Variants in OLFM1 observed in about 807,000 individuals in gnomAD.
The protein encoded by OLFM1 is olfactomedin 1, also known as noelin.
OLFM1 carries 9 observed loss-of-function variants against 49.7 expected under a neutral mutation model. That is an observed-to-expected ratio of 0.18 (90% confidence interval 0.11 to 0.32). OLFM1 has a LOEUF of 0.32. Among genes scored for constraint, OLFM1 ranks in the 10% least tolerant of loss-of-function variants. OLFM1 has a pLI of 1.00. For synonymous variants in OLFM1, 240 were observed against 271.8 expected (o/e 0.88, Z 1.15); for missense variants, 369 against 661.8 (o/e 0.56, Z 4.85).
chr9:135,102,489 C>A (rs898469906), intron 4 of OLFM1, among the ~76,000 whole-genome samples: 2 of 152,170 alleles, frequency 1.3e-5, no homozygotes. Flanking sequence ...GGGGCCCGGG[C>A]GGCCAGGGCT....
At chr9:135,083,824 A>G (rs898439692), upstream of OLFM1, among the ~76,000 whole-genome samples, 8 of 152,320 alleles carry the variant, frequency 5.3e-5, no homozygotes, top group South Asian at 4.1e-4. Flanking sequence ...ACAGGGTGTG[A>G]CTGAGACATT....
intron 3 of OLFM1, among the ~76,000 whole-genome samples, 175 bp downstream of exon 3, chr9:135,096,194 C>T (rs201132263): frequency 2.9e-4 from 17 of 58,774 alleles, no homozygotes; most frequent in East Asian, 1.1e-3. Flanking sequence ...CCTCTTCCTC[C>T]TCCTCCCCCT....
intron 5 of OLFM1, among the ~76,000 whole-genome samples, chr9:135,112,817 G>A (rs1209647860): frequency 6.6e-6 from 1 of 152,226 alleles, no homozygotes; most frequent in Non-Finnish European, 1.5e-5. Context: ...GGGCCGCCAA[G>A]TGAGATTGGG....
upstream of OLFM1, among the ~76,000 whole-genome samples, chr9:135,085,465 C>T (rs1830584986): frequency 6.6e-6 from 1 of 152,250 alleles, no homozygotes; most frequent in Non-Finnish European, 1.5e-5. Flanking sequence ...TCTTTCTAGG[C>T]CTGAGATTCC....
chr9:135,084,763 A>G (rs1830577054), upstream of OLFM1, among the ~76,000 whole-genome samples: 1 of 152,166 alleles, frequency 6.6e-6, no homozygotes, highest in African/African-American at 2.4e-5. The surrounding 1 kb of genome is among the most constrained non-coding windows in gnomAD (Gnocchi z 4.6). Context: ...AGCATCGGGA[A>G]GTGGCCCAGA....
intron 1 of OLFM1, 125 bp from the exon 2 acceptor site, chr9:135,090,070 A>G: frequency 1.1e-6 from 1 of 908,072 alleles, no homozygotes; most frequent in Non-Finnish European, 1.6e-6. Context: ...TCTTGGGACC[A>G]TTTCCTCCCA....
chr9:135,081,866 G>A (rs1328102327), intron 1 of OLFM1, among the ~76,000 whole-genome samples: 1 of 152,176 alleles, frequency 6.6e-6, no homozygotes, highest in East Asian at 1.9e-4. Flanking sequence ...CACCCGACAC[G>A]CCTGCGGGTC....
intron 5 of OLFM1, among the ~76,000 whole-genome samples, chr9:135,112,090 G>A (rs73562232): frequency 0.016 from 2,364 of 152,264 alleles, 53 homozygotes; most frequent in African/African-American, 0.054. Context: ...CTCAGCATAC[G>A]TTGTGGGGGC....
In OLFM1 at chr9:135,106,735, G is replaced by A. The variant is rs552420734; in HGVS notation, c.677-14G>A. ...CCCCGCCCTCCCTCTCCTGACCTGC[G>A]TGCTCTTTTCCAGCTTGCGGGAAGT... On this transcript the variant is annotated splice_polypyrimidine_tract_variant and intron_variant, in intron 4 of 5. Coordinates refer to ENST00000371793, the MANE Select transcript of OLFM1 (RefSeq NM_001282611.2). The A allele has an allele frequency of 1.6e-5, 26 of 1,611,266 alleles. No homozygotes were observed. Among genetic ancestry groups the A allele is most frequent in the South Asian group, 9.9e-5 (9 of 90,758 alleles).
upstream of OLFM1, among the ~76,000 whole-genome samples, chr9:135,084,427 CCT>C (rs1309796486): frequency 2.3e-5 from 3 of 131,660 alleles, no homozygotes; most frequent in Admixed American, 7.5e-5. The surrounding 1 kb of genome is among the most constrained non-coding windows in gnomAD (Gnocchi z 4.6). Flanking sequence ...TTCTGTCTCT[CCT>C]CTCTGTCTCT....
chr9:135,091,691 A>ACACACAGTCTCACACAAAGT (rs1554752845), intron 2 of OLFM1, among the ~76,000 whole-genome samples: 1 of 87,342 alleles, frequency 1.1e-5, no homozygotes. Context: ...ATAGTCTCAC[A>ACACACAGTCTCACACAAAGT]CACACACAGT....
chr9:135,094,107 G>A (rs1830751981), intron 2 of OLFM1, among the ~76,000 whole-genome samples: 1 of 152,182 alleles, frequency 6.6e-6, no homozygotes, highest in African/African-American at 2.4e-5. Context: ...GCCAGGAGGG[G>A]AATGGAGAGA....
upstream of OLFM1, chr9:135,086,617 C>T: frequency 2.2e-6 from 1 of 456,096 alleles, no homozygotes. Context: ...TGGAAGGCCC[C>T]GGAGGAAGTG....
Position 135,075,624 on chromosome 9 carries a change from G to A in OLFM1, c.-83G>A. On this transcript the variant is annotated 5_prime_UTR_variant, in exon 1 of 6. Coordinates refer to the OLFM1 transcript ENST00000252854. ...GTGGGGACACGAGCCAGGCGCCGCC[G>A]CCGGAGCCAGCGGAGCCGGGGCCAG... 4 of 976,954 alleles carry A rather than the reference G, an allele frequency of 4.1e-6. No homozygotes were observed. The South Asian group carries it at 8.5e-5, about 21-fold the overall frequency. The allele number at this position is 976,954 out of a possible 1,614,324, so 60.5% of individuals were successfully genotyped here. A position where few individuals can be genotyped will look rare whatever the true frequency, so the allele number is the denominator to read the frequency against.
At chr9:135,118,148 C>T (rs752610360) in intron 5 of OLFM1, among the ~76,000 whole-genome samples, 5 of 152,222 alleles carry the variant, frequency 3.3e-5, no homozygotes, top group Non-Finnish European at 4.4e-5. Context: ...AACAGCTTCC[C>T]GCCCAAGGAA....
chr9:135,118,400 AGTGCTCG>A (rs1831127094), intron 5 of OLFM1, among the ~76,000 whole-genome samples: 1 of 114,522 alleles, frequency 8.7e-6, no homozygotes, highest in Admixed American at 8.5e-5. Context: ...GGGTCTTTGG[AGTGCTCG>A]CTGTGTCTTT....
rs540610535 is a variant in OLFM1, at chr9:135,088,076, G to T, written c.87G>T (p.Leu29=). 10 of 1,449,006 alleles carry T rather than the reference G, an allele frequency of 6.9e-6. No individual in the cohort carries two copies. The African/African-American group carries it at 1.3e-4, about 19-fold the overall frequency. The allele number at this position is 1,449,006 out of a possible 1,614,324, so 89.8% of individuals were successfully genotyped here. A position where few individuals can be genotyped will look rare whatever the true frequency, so the allele number is the denominator to read the frequency against. ...GGATGTCCCAGACGCTGCCCTCGCT[G>T]GTGGGCCTCAACACCACCAAGCTCT... ...TNWMSQTLPS[L]VGLNTTKLSA... The change falls in exon 1 of 6, where the codon CTG becomes CTT. Residue 29 remains leucine (L), a synonymous_variant. Transcript: ENST00000371793. The surrounding 1 kb of genome is among the most constrained non-coding windows in gnomAD (Gnocchi z 4.8).
intron 5 of OLFM1, among the ~76,000 whole-genome samples, chr9:135,110,837 A>C (rs1396982791): frequency 6.6e-6 from 1 of 152,206 alleles, no homozygotes; most frequent in Admixed American, 6.5e-5. Context: ...TGATGTTAGG[A>C]ATTCTGTCAG....
intron 1 of OLFM1, among the ~76,000 whole-genome samples, chr9:135,079,089 T>C (rs1457435148): frequency 6.6e-6 from 1 of 152,226 alleles, no homozygotes; most frequent in East Asian, 1.9e-4. Context: ...GCTTACAATG[T>C]TAAGTGAGTC....
Sources: gnomAD v4.1 joint callset for allele counts (sites outside exome capture counted in the v4.1 genomes callset) on GRCh38, gnomAD v4.1.1 for gene constraint, Gnocchi (gnomAD v3.1) non-coding constraint, MANE v1.5 for transcripts, NCBI Gene and HGNC (gene_info 2026-07-23, HGNC 2026-07-21) for gene names.